NTN1: variants seen among roughly 807,000 people sequenced by gnomAD.
NTN1 encodes netrin 1.
NTN1 carries 11 observed loss-of-function variants against 54.2 expected under a neutral mutation model. The observed-to-expected ratio is 0.20, with a 90% confidence interval of 0.13 to 0.34. The LOEUF is 0.34. NTN1 is among the 10% of genes least tolerant of loss of function. NTN1 has a pLI of 1.00. For synonymous variants in NTN1, 371 were observed against 382.0 expected, an observed-to-expected ratio of 0.97 and a Z score of 0.33; for missense variants, 740 against 893.1, an observed-to-expected ratio of 0.83 and a Z score of 2.18.
At chr17:9,082,225 A>G (rs1441200263) in intron 2 of NTN1, among the ~76,000 whole-genome samples, 1 of 152,092 alleles carries the variant, frequency 6.6e-6, no homozygotes, top group South Asian at 2.1e-4. Flanking sequence ...ACATCCGGCT[A>G]ATTTTTTGTA....
In NTN1 at chr17:9,157,915, G is replaced by A. The variant is rs78761222; in HGVS notation, c.1019-4898G>A. The stretch of plus-strand genomic sequence containing the variant: ...ATTTTTGCCTCCAAGAGATGCAGGA[G>A]ATAAACAGGAAGGCGCAAAGGATTA... On this transcript the variant is annotated intron_variant, in intron 2 of 6. Coordinates refer to ENST00000173229, the MANE Select transcript of NTN1 (RefSeq NM_004822.3). Among the ~76,000 whole-genome samples the A allele has an allele frequency of 8.3e-3, 1,263 of 152,326 alleles. 17 individuals are homozygous for A. The highest frequency in any genetic ancestry group is 0.028 in the African/African-American group (1,171 of 41,566).
intron 2 of NTN1, among the ~76,000 whole-genome samples, chr17:9,121,574 C>T (rs867442044): frequency 2.6e-5 from 4 of 152,328 alleles, no homozygotes; most frequent in African/African-American, 9.6e-5. Flanking sequence ...ATGCTCTCTG[C>T]AGAGGCCCCG....
intron 2 of NTN1, among the ~76,000 whole-genome samples, chr17:9,137,666 C>A (rs894039192): frequency 6.6e-5 from 10 of 152,076 alleles, no homozygotes; most frequent in African/African-American, 1.9e-4. Flanking sequence ...TGATGGCAGG[C>A]ACCTGTAATC....
intron 5 of NTN1, among the ~76,000 whole-genome samples, chr17:9,196,651 G>A (rs564682094): frequency 1.3e-5 from 2 of 152,356 alleles, no homozygotes; most frequent in East Asian, 1.9e-4. Flanking sequence ...GGAGGGAGGC[G>A]GCCAGTGGGG....
intron 2 of NTN1, among the ~76,000 whole-genome samples, chr17:9,029,363 A>G (rs1397749109): frequency 6.6e-6 from 1 of 152,324 alleles, no homozygotes; most frequent in East Asian, 1.9e-4. Context: ...CTAAGTGTGG[A>G]TAAGTCTGCA....
At chr17:9,132,612 C>A (rs916031452) in intron 2 of NTN1, among the ~76,000 whole-genome samples, 1 of 152,220 alleles carries the variant, frequency 6.6e-6, no homozygotes, top group African/African-American at 2.4e-5. Context: ...CAGTGGCTCA[C>A]GCCTGTAACC....
In NTN1 at chr17:9,111,484, A is replaced by C. The variant is rs1302754579; in HGVS notation, c.1019-51329A>C. On this transcript the variant is annotated intron_variant, in intron 2 of 6. Transcript: ENST00000173229. The stretch of plus-strand genomic sequence containing the variant: ...CAAGGAAGAAAAATGCATCTGGGAG[A>C]GGCAGGTTCTTCTGGGAGGCACAGT... Among the ~76,000 whole-genome samples, 8 of 152,140 alleles carry C rather than the reference A, an allele frequency of 5.3e-5. No individual in the cohort carries two copies. In the East Asian group the frequency reaches 1.5e-3, roughly 29 times the overall value.
intron 4 of NTN1, among the ~76,000 whole-genome samples, chr17:9,180,443 C>T (rs1043924215): frequency 5.3e-5 from 8 of 152,370 alleles, no homozygotes; most frequent in East Asian, 3.9e-4. Flanking sequence ...TTGCAGAAGC[C>T]ACTGGGGGCT....
intron 2 of NTN1, among the ~76,000 whole-genome samples, chr17:9,029,438 T>G (rs1191964761): frequency 6.6e-6 from 1 of 152,116 alleles, no homozygotes; most frequent in Non-Finnish European, 1.5e-5. Flanking sequence ...ATCAGGAGCG[T>G]TTGCTTGGAA....
chr17:9,108,867 T>C (rs1261814867), intron 2 of NTN1, among the ~76,000 whole-genome samples: 2 of 152,154 alleles, frequency 1.3e-5, no homozygotes, highest in African/African-American at 2.4e-5. Context: ...CTTTTTCTTT[T>C]TCTTTCTTTT....
chr17:9,230,815 C>T (rs1014565251), intron 6 of NTN1, among the ~76,000 whole-genome samples: 1 of 152,180 alleles, frequency 6.6e-6, no homozygotes, highest in Non-Finnish European at 1.5e-5. Context: ...TTCCCTGGAG[C>T]TTCCTCTTGT....
At chr17:9,042,585 A>G (rs1410256556) in intron 2 of NTN1, among the ~76,000 whole-genome samples, 1 of 151,770 alleles carries the variant, frequency 6.6e-6, no homozygotes, top group Non-Finnish European at 1.5e-5. Flanking sequence ...TCAGGAATTC[A>G]AGACCAGCCT....
rs1374648214 is a variant in NTN1 at position 9,163,472 on chromosome 17, C to G, written c.1207+471C>G. ...ATGTGCGCACCGCCCCTCACTCCCC[C>G]CCGAAACACACACACACACACACAC... On this transcript the variant is annotated intron_variant, in intron 3 of 6. Transcript: ENST00000173229. Among the ~76,000 whole-genome samples, 3 of 74,742 alleles carry G rather than the reference C, an allele frequency of 4.0e-5. No homozygotes were observed. In the Admixed American group the frequency reaches 5.2e-4, roughly 13 times the overall value. The allele number at this position is 74,742 out of a possible 152,430, so 49.0% of individuals were successfully genotyped here.
chr17:9,160,082 T>C (rs1022846628), intron 2 of NTN1, among the ~76,000 whole-genome samples: 1 of 152,198 alleles, frequency 6.6e-6, no homozygotes, highest in African/African-American at 2.4e-5. Context: ...TGCATAGCCA[T>C]GCAACACAGT....
intron 6 of NTN1, among the ~76,000 whole-genome samples, chr17:9,222,084 G>A (rs189285731): frequency 2.9e-4 from 44 of 152,332 alleles, no homozygotes; most frequent in Middle Eastern, 6.8e-3. Context: ...ACCATAGGCC[G>A]GGAAGGAGCC....
At chr17:9,208,391 G>A (rs961860111) in intron 5 of NTN1, among the ~76,000 whole-genome samples, 2 of 152,166 alleles carry the variant, frequency 1.3e-5, no homozygotes, top group Admixed American at 6.5e-5. Flanking sequence ...AGAGACAGCC[G>A]CAGTCAGCTT....
the NTN1 span, among the ~76,000 whole-genome samples, chr17:9,013,361 C>A: frequency 4.6e-5 from 7 of 151,996 alleles, no homozygotes; most frequent in East Asian, 1.4e-3. Flanking sequence ...GGATTACAGG[C>A]ATGCGCCACC....
In NTN1 at chr17:9,025,052, A is replaced by C. The variant is rs529924020; in HGVS notation, c.1018+1661A>C. 9.4e-4 allele frequency among the ~76,000 whole-genome samples: 143 copies of C among 152,172 alleles called. 5 individuals are homozygous for C. The highest frequency in any genetic ancestry group is 3.4e-3 in the African/African-American group (141 of 41,506). ...TTCCCAGGGTTTTGCTATCAGTTTT[A>C]GTTTGTATGTGCATATGAAAGATAA... On this transcript the variant is annotated intron_variant, in intron 2 of 6. Coordinates refer to ENST00000173229, the MANE Select transcript of NTN1 (RefSeq NM_004822.3).
In NTN1 at chr17:9,134,713, G is replaced by C. The variant is rs577123730; in HGVS notation, c.1019-28100G>C. On this transcript the variant is annotated intron_variant, in intron 2 of 6. Transcript: ENST00000173229. ...CCAGATGCTGGCTGCTCATTGCCCT[G>C]TGGGACCCTTCTAGGTGCGAAGTGA... Among the ~76,000 whole-genome samples, 15 of 152,340 alleles carry C rather than the reference G, an allele frequency of 9.8e-5. No individual in the cohort carries two copies. In the East Asian group the frequency reaches 1.9e-3, roughly 20 times the overall value.
Sources: allele counts gnomAD v4.1 joint callset (sites outside exome capture counted in the v4.1 genomes callset), GRCh38; gene constraint gnomAD v4.1.1; transcripts MANE v1.5; gene names NCBI Gene and HGNC (gene_info 2026-07-23, HGNC 2026-07-21).